Variants in NME7 observed in about 807,000 individuals in gnomAD.
NME7 encodes nucleoside diphosphate kinase 7.
Under a neutral mutation model 49.1 loss-of-function variants are expected in NME7, and 41 were observed. The observed-to-expected ratio is 0.83, with a 90% confidence interval of 0.65 to 1.08. NME7 has a LOEUF of 1.08. Ranked by LOEUF, NME7 falls within the 50% of genes least tolerant of loss-of-function variation. The pLI is 0.00. For synonymous variants in NME7, 139 were observed against 150.6 expected, an observed-to-expected ratio of 0.92 and a Z score of 0.56; for missense variants, 423 against 463.4, an observed-to-expected ratio of 0.91 and a Z score of 0.80.
At chr1:169,208,162 T>A (rs2101788825) in intron 10 of NME7, among the ~76,000 whole-genome samples, 1 of 152,292 alleles carries the variant, frequency 6.6e-6, no homozygotes, top group Middle Eastern at 3.4e-3. Context: ...GATCGTAAAT[T>A]TTTTTCCATT....
intron 1 of NME7, among the ~76,000 whole-genome samples, chr1:169,366,947 A>C (rs372258964): frequency 6.6e-6 from 1 of 152,242 alleles, no homozygotes; most frequent in Non-Finnish European, 1.5e-5. Flanking sequence ...TCCGTTATCC[A>C]TAAGTGCTTA....
At chr1:169,367,215 G>A (rs767515746) in intron 1 of NME7, among the ~76,000 whole-genome samples, 10 of 152,042 alleles carry the variant, frequency 6.6e-5, no homozygotes, top group Non-Finnish European at 1.3e-4. Flanking sequence ...GTAACCAACT[G>A]GATAGAAGAG....
intron 7 of NME7, among the ~76,000 whole-genome samples, chr1:169,255,319 G>A (rs1648872698): frequency 7.4e-6 from 1 of 135,826 alleles, no homozygotes; most frequent in African/African-American, 2.6e-5. Context: ...ATTATGTAAT[G>A]GCCTTCTTTG....
At chr1:169,176,244 T>A (rs545099426) in intron 10 of NME7, among the ~76,000 whole-genome samples, 3 of 152,312 alleles carry the variant, frequency 2.0e-5, no homozygotes, top group African/African-American at 7.2e-5. Context: ...CAGAGGCTAC[T>A]TTCTGCTAAG....
chr1:169,279,237 A>G (rs918765730), intron 7 of NME7, among the ~76,000 whole-genome samples: 6 of 152,172 alleles, frequency 3.9e-5, no homozygotes, highest in Non-Finnish European at 7.3e-5. Flanking sequence ...AGGGACATTT[A>G]AGTCTGCAGA....
At chr1:169,345,863 C>T (rs960028866) in intron 1 of NME7, among the ~76,000 whole-genome samples, 1 of 152,132 alleles carries the variant, frequency 6.6e-6, no homozygotes, top group Non-Finnish European at 1.5e-5. Flanking sequence ...CTCCCAGCCC[C>T]CTAACACAAA....
intron 1 of NME7, among the ~76,000 whole-genome samples, chr1:169,343,117 T>C (rs1222033457): frequency 6.6e-6 from 1 of 150,500 alleles, no homozygotes; most frequent in Non-Finnish European, 1.5e-5. Context: ...CGATTTTTTG[T>C]TGGGGAGGGA....
chr1:169,324,394 A>G lies in NME7; in HGVS notation c.110T>C (p.Met37Thr). 1.9e-6 allele frequency: 3 copies of G among 1,601,442 alleles called. No individual in the cohort carries two copies. Among genetic ancestry groups the G allele is most frequent in the Non-Finnish European group, 1.7e-6 (2 of 1,168,706 alleles). ...LFYPGDGSVE[M>T]HDVKNHRTFL... is the part of the protein sequence containing the mutation. ...TCAAGCAAAGAAAGGCTTATTTACC[A>G]TTTCAACAGATCCATCCCCTGGGTA... Residue 37 changes from methionine (M) to threonine (T), a missense_variant and splice_region_variant, in exon 2 of 12, where the codon ATG becomes ACG. Coordinates refer to ENST00000367811, the MANE Select transcript of NME7 (RefSeq NM_013330.5).
intron 10 of NME7, among the ~76,000 whole-genome samples, chr1:169,171,740 G>A (rs1659598500): frequency 2.0e-5 from 3 of 152,160 alleles, no homozygotes; most frequent in Admixed American, 2.0e-4. Context: ...CTCCAGCCTG[G>A]GTGAAAGAGC....
chr1:169,214,020 C>T (rs923067823), intron 10 of NME7, among the ~76,000 whole-genome samples: 1 of 152,028 alleles, frequency 6.6e-6, no homozygotes, highest in Non-Finnish European at 1.5e-5. Flanking sequence ...ACAAGCATAT[C>T]TTTTGAAGAT....
rs568673649 is a variant in NME7, at chr1:169,257,245, G to A, written c.755-19558C>T. 1.5e-5 allele frequency among the ~76,000 whole-genome samples: 2 copies of A among 134,692 alleles called. 1 individual carries two copies. Among genetic ancestry groups the A allele is most frequent in the South Asian group, 4.6e-4 (2 of 4,362 alleles). 88.4% of individuals were successfully genotyped at this position (134,692 alleles called of 152,430 possible). A position where few individuals can be genotyped will look rare whatever the true frequency, so the allele number is the denominator to read the frequency against. On this transcript the variant is annotated intron_variant, in intron 7 of 11. Coordinates refer to ENST00000367811, the MANE Select transcript of NME7 (RefSeq NM_013330.5). Reference sequence around the variant, plus strand: ...CGTGGGCATAGGACCCTCCAAGCCAGGTGCGGGATATAATCTCGTGGTGCG... The same window carrying A: ...CGTGGGCATAGGACCCTCCAAGCCAAGTGCGGGATATAATCTCGTGGTGCG...
chr1:169,157,969 A>G (rs1659126395), intron 11 of NME7, among the ~76,000 whole-genome samples: 1 of 152,208 alleles, frequency 6.6e-6, no homozygotes, highest in African/African-American at 2.4e-5. Context: ...TGTGAGATGC[A>G]CAGTTTGCCC....
chr1:169,179,035 G>A (rs112353804), intron 10 of NME7, among the ~76,000 whole-genome samples: 149 of 152,002 alleles, frequency 9.8e-4, no homozygotes, highest in African/African-American at 3.4e-3. Context: ...TGGCCAAACT[G>A]GTCTCAAACT....
chr1:169,316,485 G>A (rs966081049), intron 3 of NME7, among the ~76,000 whole-genome samples: 1 of 152,110 alleles, frequency 6.6e-6, no homozygotes, highest in Non-Finnish European at 1.5e-5. Flanking sequence ...ATAATCTCCA[G>A]AACGTATAAA....
Position 169,185,194 on chromosome 1 carries a change from C to CA in NME7, c.991-15641dup, listed in dbSNP as rs1660033942. 2.6e-5 allele frequency among the ~76,000 whole-genome samples: 4 copies of CA among 152,134 alleles called. No individual in the cohort carries two copies. The South Asian group carries it at 8.3e-4, about 32-fold the overall frequency. On this transcript the variant is annotated intron_variant, in intron 10 of 11. Transcript: ENST00000367811. ...GACTCAAACACCTCTGATGGGCCTC[C>CA]ACTGTTTGTAAGTCCAACAATTAAT...
rs1649427405 is a variant in NME7 at position 169,269,630 on chromosome 1, T to C, written c.754+17673A>G. ...GCACCAAAGCTACCATTACAGTGGA[T>C]AGTAAAACTCTGAAAGAGGCTCTGA... On this transcript the variant is annotated intron_variant, in intron 7 of 11. Coordinates refer to ENST00000367811, the MANE Select transcript of NME7 (RefSeq NM_013330.5). Among the ~76,000 whole-genome samples, 2 of 133,418 alleles carry C rather than the reference T, an allele frequency of 1.5e-5. 1 individual carries two copies. The highest frequency in any genetic ancestry group is 3.5e-5 in the Non-Finnish European group (2 of 56,786). 87.5% of individuals were successfully genotyped at this position (133,418 alleles called of 152,430 possible).
chr1:169,257,743 C>G (rs1210949001), intron 7 of NME7, among the ~76,000 whole-genome samples: 1 of 134,320 alleles, frequency 7.4e-6, no homozygotes, highest in Non-Finnish European at 1.8e-5. Flanking sequence ...CAAATTCTCT[C>G]AGCATTTGTT....
At chr1:169,278,719 G>T (rs7521338) in intron 7 of NME7, among the ~76,000 whole-genome samples, 21,401 of 152,172 alleles carry the variant, frequency 0.14, 1,884 homozygotes, top group African/African-American at 0.24. Context: ...TTGTTCCATT[G>T]CTGGTGAGGA....
At chr1:169,198,230 G>A (rs1392699039) in intron 10 of NME7, among the ~76,000 whole-genome samples, 2 of 152,034 alleles carry the variant, frequency 1.3e-5, no homozygotes, top group African/African-American at 2.4e-5. Flanking sequence ...ATGGAGAAGT[G>A]AGAACCCTCA....
Sources: gnomAD v4.1 joint callset for allele counts (sites outside exome capture counted in the v4.1 genomes callset) on GRCh38, gnomAD v4.1.1 for gene constraint, MANE v1.5 for transcripts, NCBI Gene and HGNC (gene_info 2026-07-23, HGNC 2026-07-21) for gene names.